NEK1: variants seen among roughly 807,000 people sequenced by gnomAD.
The protein encoded by NEK1 is NIMA related kinase 1, also known as serine/threonine-protein kinase Nek1.
A neutral mutation model predicts 182.1 loss-of-function variants in NEK1; 137 were observed. The ratio of observed to expected loss-of-function variants is 0.75; its 90% CI spans 0.65 to 0.87. NEK1 has a LOEUF of 0.87. Among genes scored for constraint, NEK1 ranks in the 40% least tolerant of loss-of-function variants. NEK1 has a pLI of 0.00. For synonymous variants in NEK1, 513 were observed against 492.2 expected (o/e 1.04, Z -0.56); for missense variants, 1,391 against 1,494.4 (o/e 0.93, Z 1.14).
intron 12 of NEK1, among the ~76,000 whole-genome samples, chr4:169,563,806 T>C (rs1160409350): frequency 1.3e-5 from 2 of 152,238 alleles, no homozygotes; most frequent in Non-Finnish European, 2.9e-5. Flanking sequence ...GTGTTAAGTT[T>C]CACCGAATTT....
At chr4:169,425,781 G>T (rs1184600961) in intron 30 of NEK1, among the ~76,000 whole-genome samples, 1 of 152,098 alleles carries the variant, frequency 6.6e-6, no homozygotes, top group Non-Finnish European at 1.5e-5. Flanking sequence ...GCCTCCCAAA[G>T]TGCTGGGATT....
intron 27 of NEK1, among the ~76,000 whole-genome samples, chr4:169,443,006 T>C (rs1330084923): frequency 6.6e-6 from 1 of 152,100 alleles, no homozygotes; most frequent in East Asian, 1.9e-4. Flanking sequence ...CAATGTACTC[T>C]AGCCTGGATG....
At chr4:169,570,091 G>A (rs1194071647) in intron 12 of NEK1, among the ~76,000 whole-genome samples, 22 of 150,432 alleles carry the variant, frequency 1.5e-4, no homozygotes, top group Non-Finnish European at 2.2e-4. Context: ...AGTGAGGAGC[G>A]TCTCTGCCTG....
intron 2 of NEK1, among the ~76,000 whole-genome samples, chr4:169,606,567 T>G (rs1357640788): frequency 6.6e-6 from 1 of 152,132 alleles, no homozygotes; most frequent in Non-Finnish European, 1.5e-5. Flanking sequence ...GAAGAGCTTG[T>G]GTAAGAAGTG....
rs1733386060 is a variant in NEK1, at chr4:169,409,995, G to A, written c.3223-3248C>T. ...TTGAGTTCCTGGTAGATTCTGAATA[G>A]TAGACTGGTAAGTTTGAAACAGGTT... is the stretch of plus-strand genomic sequence containing the variant. On this transcript the variant is annotated intron_variant, in intron 31 of 35. Transcript: ENST00000507142. 3.3e-5 allele frequency among the ~76,000 whole-genome samples: 5 copies of A among 152,114 alleles called. No individual in the cohort carries two copies. The South Asian group carries it at 1.0e-3, about 32-fold the overall frequency.
chr4:169,404,320 A>G (rs1732211575), intron 32 of NEK1, among the ~76,000 whole-genome samples: 1 of 152,242 alleles, frequency 6.6e-6, no homozygotes, highest in Middle Eastern at 3.4e-3. Flanking sequence ...TTGTAAGGTC[A>G]TTAGCAAAAA....
intron 29 of NEK1, among the ~76,000 whole-genome samples, chr4:169,428,941 A>G (rs1214613865): frequency 4.6e-5 from 7 of 152,138 alleles, no homozygotes; most frequent in Non-Finnish European, 1.0e-4. Flanking sequence ...AGTCCCCTTT[A>G]TTCTTTTAGG....
intron 9 of NEK1, 55 bp from the exon 10 acceptor site, chr4:169,585,604 A>C (rs1290179195): frequency 1.8e-6 from 2 of 1,099,988 alleles, no homozygotes; most frequent in East Asian, 4.9e-5. Context: ...TGAAACTGAG[A>C]ATATCGGTAA....
chr4:169,589,528 G>GAA lies in NEK1; in HGVS notation c.397-16_397-15dup, dbSNP rs199717920. ...TAAAAATATGTTCTGTAAAAGACAG[G>GAA]AAAAAAAAAAACCCTAGAAATATTG... On this transcript the variant is annotated splice_polypyrimidine_tract_variant and intron_variant, in intron 6 of 35. Coordinates refer to ENST00000507142, the MANE Select transcript of NEK1 (RefSeq NM_001199397.3). The GAA allele has an allele frequency of 2.3e-4, 251 of 1,113,532 alleles. No homozygotes were observed. Among genetic ancestry groups the GAA allele is most frequent in the South Asian group, 3.4e-4 (19 of 55,528 alleles). 69.0% of individuals were successfully genotyped at this position (1,113,532 alleles called of 1,614,324 possible).
At chr4:169,501,239 C>A (rs1335975611) in intron 23 of NEK1, among the ~76,000 whole-genome samples, 2 of 152,076 alleles carry the variant, frequency 1.3e-5, no homozygotes, top group Non-Finnish European at 2.9e-5. Context: ...CACTTGAGGA[C>A]CCTGATTTAT....
At chr4:169,518,341 C>G (rs934089391) in intron 19 of NEK1, among the ~76,000 whole-genome samples, 1 of 106,022 alleles carries the variant, frequency 9.4e-6, no homozygotes, top group Admixed American at 9.2e-5. Context: ...TCTGTGGGAT[C>G]GGTGGTGATA....
chr4:169,580,071 C>A (rs891533563), intron 11 of NEK1, among the ~76,000 whole-genome samples: 2 of 152,228 alleles, frequency 1.3e-5, no homozygotes, highest in African/African-American at 4.8e-5. Flanking sequence ...TAGTATATAA[C>A]CATATTCACA....
chr4:169,527,319 T>C (rs1197456674), intron 19 of NEK1, among the ~76,000 whole-genome samples: 2 of 152,170 alleles, frequency 1.3e-5, no homozygotes, highest in Admixed American at 6.5e-5. Flanking sequence ...TAAACGAATT[T>C]CTTTAGGGAA....
intron 18 of NEK1, among the ~76,000 whole-genome samples, chr4:169,553,823 C>T (rs568423166): frequency 3.3e-5 from 5 of 152,142 alleles, no homozygotes; most frequent in Admixed American, 1.3e-4. Flanking sequence ...GGCCAAAATC[C>T]GAAACACTGA....
intron 9 of NEK1, among the ~76,000 whole-genome samples, chr4:169,587,306 A>AATT (rs2150077862): frequency 6.6e-6 from 1 of 152,062 alleles, no homozygotes; most frequent in East Asian, 1.9e-4. Flanking sequence ...AAAATAGCAA[A>AATT]ATTTATTTCT....
chr4:169,409,244 A>T (rs189306632), intron 31 of NEK1, among the ~76,000 whole-genome samples: 2,087 of 151,960 alleles, frequency 0.014, 27 homozygotes, highest in Middle Eastern at 0.031. Context: ...TCCCGGGTTC[A>T]CGCCATTCTC....
chr4:169,425,026 AT>A (rs1736132662), intron 30 of NEK1, among the ~76,000 whole-genome samples: 2 of 152,224 alleles, frequency 1.3e-5, no homozygotes, highest in Non-Finnish European at 2.9e-5. Flanking sequence ...CTTTCATTAT[AT>A]TGAAAGTTCT....
At chr4:169,593,910 A>G (rs1163578597) in intron 5 of NEK1, among the ~76,000 whole-genome samples, 1 of 150,298 alleles carries the variant, frequency 6.7e-6, no homozygotes, top group African/African-American at 2.5e-5. Context: ...AATGGCGTGA[A>G]CCCGGGAGAC....
intron 27 of NEK1, among the ~76,000 whole-genome samples, chr4:169,450,460 A>G (rs1741495922): frequency 6.6e-6 from 1 of 152,252 alleles, no homozygotes; most frequent in African/African-American, 2.4e-5. Flanking sequence ...AGGGAAGCCC[A>G]TCAGACTAAC....
Sources: allele counts gnomAD v4.1 joint callset (sites outside exome capture counted in the v4.1 genomes callset), GRCh38; gene constraint gnomAD v4.1.1; transcripts MANE v1.5; gene names NCBI Gene and HGNC (gene_info 2026-07-23, HGNC 2026-07-21).